Variants in AQR observed in about 807,000 individuals in gnomAD.
AQR encodes RNA helicase aquarius.
In AQR, 61 loss-of-function variants were observed where a neutral mutation model predicts 180.5. That is an observed-to-expected ratio of 0.34 (90% CI 0.28 to 0.42). AQR has a LOEUF of 0.42. AQR is among the 10% of genes least tolerant of loss of function. AQR has a pLI of 1.00. For synonymous variants in AQR, 551 were observed against 588.8 expected (o/e 0.94, Z 0.93); for missense variants, 1,281 against 1,798.3 (o/e 0.71, Z 5.20).
intron 9 of AQR, among the ~76,000 whole-genome samples, chr15:34,937,028 A>C (rs903389294): frequency 2.6e-5 from 4 of 152,132 alleles, no homozygotes; most frequent in Non-Finnish European, 4.4e-5. Flanking sequence ...GATTATAAGC[A>C]TAAAACGTTT....
At chr15:34,871,506 CA>C (rs916025647) in intron 30 of AQR, among the ~76,000 whole-genome samples, 1,390 of 62,360 alleles carry the variant, frequency 0.022, 9 homozygotes, top group Middle Eastern at 0.057. Flanking sequence ...ATCTCATCTC[CA>C]AAAAAAAAAA....
chr15:34,925,397 GAT>G (rs1336956772), intron 13 of AQR, among the ~76,000 whole-genome samples: 2 of 152,220 alleles, frequency 1.3e-5, no homozygotes, highest in Non-Finnish European at 2.9e-5. Context: ...AGTGTAAATT[GAT>G]AGTCTTTTCT....
At chr15:34,942,988 T>C in intron 6 of AQR, 1 of 1,402,014 alleles carries the variant, frequency 7.1e-7, no homozygotes, top group Non-Finnish European at 9.8e-7. Flanking sequence ...TAGTTTCTGA[T>C]AAAAAAATCA....
At chr15:34,946,392 G>GC (rs1207378955) in intron 5 of AQR, among the ~76,000 whole-genome samples, 5 of 150,746 alleles carry the variant, frequency 3.3e-5, no homozygotes, top group Admixed American at 1.3e-4. Flanking sequence ...GGGGGGGTCA[G>GC]CCCCCCGCCC....
At position 34,852,794 on chromosome 15, in the gene AQR, T is replaced by C. The variant is rs889991436; in HGVS notation, c.*3998A>G. On this transcript the variant is annotated 3_prime_UTR_variant, in exon 35 of 35. Transcript: ENST00000156471. ...TTCAAGAGTAGTATTTTCTGTAATA[T>C]ATGATGAAAAATAATCGTATCGGCC... is the stretch of plus-strand genomic sequence containing the variant. 2.6e-5 allele frequency: 4 copies of C among 152,196 alleles called. No individual in the cohort carries two copies. The highest frequency in any genetic ancestry group is 5.9e-5 in the Non-Finnish European group (4 of 68,032). The allele number at this position is 152,196 out of a possible 1,614,324, so 9.4% of individuals were successfully genotyped here.
chr15:34,895,855 C>T (rs1196441347), intron 22 of AQR, among the ~76,000 whole-genome samples: 1 of 151,536 alleles, frequency 6.6e-6, no homozygotes, highest in Non-Finnish European at 1.5e-5. Context: ...CAAAATGGAT[C>T]TAATCAACAT....
At chr15:34,894,158 C>T (rs963502889) in intron 22 of AQR, among the ~76,000 whole-genome samples, 2 of 151,642 alleles carry the variant, frequency 1.3e-5, no homozygotes, top group Non-Finnish European at 2.9e-5. Flanking sequence ...CTCAGTGAAC[C>T]CCAACAGAAT....
chr15:34,912,725 G>C (rs11633307), intron 16 of AQR, among the ~76,000 whole-genome samples: 2 of 151,672 alleles, frequency 1.3e-5, no homozygotes, highest in South Asian at 2.1e-4. Context: ...TCAGTCTAAC[G>C]AGTCTTTAGT....
chr15:34,891,129 T>A (rs935255712), intron 23 of AQR, among the ~76,000 whole-genome samples: 1 of 152,120 alleles, frequency 6.6e-6, no homozygotes, highest in Admixed American at 6.5e-5. Flanking sequence ...TCCTTTACCA[T>A]CAAAATTCTA....
At chr15:34,918,011 G>C (rs570334301) in intron 15 of AQR, among the ~76,000 whole-genome samples, 14 of 151,942 alleles carry the variant, frequency 9.2e-5, no homozygotes, top group Admixed American at 9.2e-4. Context: ...AACCAAAACA[G>C]TCTTAGGGCT....
chr15:34,884,394 A>C lies in AQR; in HGVS notation c.3027+131T>G, dbSNP rs181827410. ...GCACTCCAGCCTGGGCAACAGGGCA[A>C]GACTCCGTCTCAAAAAAAAACAAAA... On this transcript the variant is annotated intron_variant, in intron 26 of 34. Transcript: ENST00000156471. 6.2e-5 allele frequency: 49 copies of C among 789,384 alleles called. No individual in the cohort carries two copies. The African/African-American group carries it at 8.1e-4, about 13-fold the overall frequency. The allele number at this position is 789,384 out of a possible 1,614,324, so 48.9% of individuals were successfully genotyped here. A position where few individuals can be genotyped will look rare whatever the true frequency, so the allele number is the denominator to read the frequency against.
At chr15:34,939,384 C>A (rs1163693050) in intron 8 of AQR, among the ~76,000 whole-genome samples, 2 of 152,052 alleles carry the variant, frequency 1.3e-5, no homozygotes, top group East Asian at 1.9e-4. Context: ...CAGCTCCCAG[C>A]CAAACATTTT....
At chr15:34,969,335 G>A (rs1048660867) in intron 1 of AQR, among the ~76,000 whole-genome samples, 13 of 152,176 alleles carry the variant, frequency 8.5e-5, no homozygotes, top group African/African-American at 3.1e-4. Flanking sequence ...CCCCAGGGCA[G>A]GGCAGCTTCT....
In AQR at chr15:34,906,577, A is replaced by C; in HGVS notation, c.1799T>G (p.Met600Arg). 6.2e-7 allele frequency: 1 copy of C among 1,614,138 alleles called. No homozygotes were observed. The highest frequency in any genetic ancestry group is 8.5e-7 in the Non-Finnish European group (1 of 1,179,994). The change falls in exon 18 of 35, where the codon ATG becomes AGG. Residue 600 changes from methionine to arginine, a missense_variant. Coordinates refer to ENST00000156471, the MANE Select transcript of AQR (RefSeq NM_014691.3). ...VYVRGCEIQG[M>R]LDDKGRVIED... ...AATGACACGTCCTTTATCATCCAGC[A>C]TGCCCTGAATTTCACAGCCTCTGAC...
At chr15:34,918,792 T>C (rs957100270) in intron 14 of AQR, among the ~76,000 whole-genome samples, 2 of 152,240 alleles carry the variant, frequency 1.3e-5, no homozygotes, top group Admixed American at 1.3e-4. Flanking sequence ...AAATAGGAGC[T>C]CTAGGTTTTG....
intron 5 of AQR, 35 bp downstream of exon 5, chr15:34,948,225 GGTCA>G (rs1461528080): frequency 6.2e-7 from 1 of 1,607,442 alleles, no homozygotes; most frequent in Non-Finnish European, 8.5e-7. Context: ...GGCTTATGTG[GGTCA>G]GTATGAAAGC....
At chr15:34,960,264 G>A (rs1421233301) in intron 3 of AQR, among the ~76,000 whole-genome samples, 1 of 152,126 alleles carries the variant, frequency 6.6e-6, no homozygotes, top group African/African-American at 2.4e-5. Context: ...TGAAGGCGTG[G>A]GGAATAGAAC....
chr15:34,916,331 T>C (rs1281915841), intron 15 of AQR, among the ~76,000 whole-genome samples: 1 of 152,156 alleles, frequency 6.6e-6, no homozygotes, highest in Admixed American at 6.5e-5. Flanking sequence ...CTTAACACTA[T>C]TTCTCTTAGA....
intron 27 of AQR, 126 bp from the exon 28 acceptor site, chr15:34,876,132 T>C: frequency 1.5e-6 from 1 of 682,776 alleles, no homozygotes; most frequent in Non-Finnish European, 2.5e-6. Flanking sequence ...TTCAGACAGA[T>C]AAAAATAACA....
Sources: gnomAD v4.1 joint callset for allele counts (sites outside exome capture counted in the v4.1 genomes callset) on GRCh38, gnomAD v4.1.1 for gene constraint, MANE v1.5 for transcripts, NCBI Gene and HGNC (gene_info 2026-07-23, HGNC 2026-07-21) for gene names.